TCF7L2: variants seen among roughly 807,000 people sequenced by gnomAD.
TCF7L2 encodes the protein transcription factor 7 like 2.
TCF7L2 carries 23 observed loss-of-function variants against 77.9 expected under a neutral mutation model. The observed-to-expected ratio is 0.30, with a 90% CI of 0.21 to 0.42. The LOEUF is 0.42. Ranked by LOEUF, TCF7L2 falls within the 10% of genes least tolerant of loss-of-function variation. The pLI is 1.00. For synonymous variants in TCF7L2, 413 were observed against 340.2 expected, an observed-to-expected ratio of 1.21 and a Z score of -2.36; for missense variants, 654 against 793.1, an observed-to-expected ratio of 0.82 and a Z score of 2.11.
rs369602107 is a variant in TCF7L2, at chr10:113,144,005, G to T, written c.768G>T (p.Pro256=). The stretch of plus-strand genomic sequence containing the variant: ...GCACCGTAGGACAAATCCCCCATCC[G>T]CTAGGATGGTTAGTACCACAGTAAG... The change falls in exon 7 of 14, where the codon CCG becomes CCT. Residue 256 remains proline, a synonymous_variant. Transcript: ENST00000627217. 31 of 1,613,114 alleles carry T rather than the reference G, an allele frequency of 1.9e-5. No homozygotes were observed. Among genetic ancestry groups the T allele is most frequent in the South Asian group, 7.7e-5 (7 of 91,056 alleles).
chr10:113,148,601 C>A (rs559900581), intron 8 of TCF7L2, among the ~76,000 whole-genome samples: 2 of 152,188 alleles, frequency 1.3e-5, no homozygotes, highest in African/African-American at 2.4e-5. Flanking sequence ...CAGCCAGAAA[C>A]AAAAATTAGT....
intron 4 of TCF7L2, among the ~76,000 whole-genome samples, chr10:113,018,959 T>C (rs901990684): frequency 1.3e-5 from 2 of 151,896 alleles, no homozygotes; most frequent in African/African-American, 4.8e-5. Flanking sequence ...CTTGTGGGTG[T>C]GATGGTGGAA....
At chr10:112,964,993 G>A (rs2036404440) in intron 4 of TCF7L2, among the ~76,000 whole-genome samples, 1 of 152,110 alleles carries the variant, frequency 6.6e-6, no homozygotes, top group Admixed American at 6.6e-5. Flanking sequence ...CTTTGCTTAG[G>A]GAGGGATCTT....
chr10:113,148,408 A>C (rs914100751), intron 8 of TCF7L2, among the ~76,000 whole-genome samples: 2 of 152,218 alleles, frequency 1.3e-5, no homozygotes, highest in African/African-American at 4.8e-5. Context: ...GAAATGTTAC[A>C]AGTGCAAGGG....
intron 4 of TCF7L2, among the ~76,000 whole-genome samples, chr10:113,003,695 T>G (rs2044936234): frequency 1.3e-5 from 2 of 152,196 alleles, no homozygotes; most frequent in African/African-American, 4.8e-5. Flanking sequence ...TGGATGGGAT[T>G]CTCATGAAAT....
chr10:113,147,972 A>T (rs1346381016), intron 8 of TCF7L2, among the ~76,000 whole-genome samples: 1 of 152,192 alleles, frequency 6.6e-6, no homozygotes, highest in African/African-American at 2.4e-5. Context: ...GTTAAAAAGC[A>T]TATACAGCAA....
At chr10:113,114,029 C>G (rs1039247679) in intron 5 of TCF7L2, among the ~76,000 whole-genome samples, 4 of 152,080 alleles carry the variant, frequency 2.6e-5, no homozygotes, top group Non-Finnish European at 5.9e-5. Flanking sequence ...AATAAGGCCC[C>G]CTCTAATCCT....
At chr10:113,049,206 C>G (rs2053973844) in intron 5 of TCF7L2, among the ~76,000 whole-genome samples, 2 of 152,028 alleles carry the variant, frequency 1.3e-5, no homozygotes, top group South Asian at 2.1e-4. Context: ...CCCCCTGACT[C>G]TCTTCTGAGT....
At chr10:113,062,386 G>A (rs1391405238) in intron 5 of TCF7L2, among the ~76,000 whole-genome samples, 3 of 152,116 alleles carry the variant, frequency 2.0e-5, no homozygotes, top group Admixed American at 6.5e-5. Context: ...ATCCATGTTC[G>A]CTACGAGGAA....
chr10:113,137,056 G>A (rs2067525280), intron 5 of TCF7L2, among the ~76,000 whole-genome samples: 1 of 151,808 alleles, frequency 6.6e-6, no homozygotes, highest in African/African-American at 2.4e-5. Context: ...CTCCTCTGTG[G>A]CAATCTCATT....
chr10:113,065,609 G>T (rs2057144582), intron 5 of TCF7L2, among the ~76,000 whole-genome samples: 1 of 152,166 alleles, frequency 6.6e-6, no homozygotes, highest in African/African-American at 2.4e-5. Flanking sequence ...CTTCTGAAGG[G>T]GTAGGGTCAT....
At position 113,167,517 on chromosome 10, in the gene TCF7L2, T is replaced by G. The variant is rs1162889794; in HGVS notation, c.*1545T>G. The G allele has an allele frequency of 4.6e-6, 1 of 217,752 alleles. No individual in the cohort carries two copies. Among genetic ancestry groups the G allele is most frequent in the African/African-American group, 2.2e-5 (1 of 44,490 alleles). 13.5% of individuals were successfully genotyped at this position (217,752 alleles called of 1,614,324 possible). A position where few individuals can be genotyped will look rare whatever the true frequency, so the allele number is the denominator to read the frequency against. The stretch of plus-strand genomic sequence containing the variant: ...CATTTTTTGTGAATACTTTGAATGT[T>G]TCCTAACAGTTGTGATGTTACTGTT... On this transcript the variant is annotated 3_prime_UTR_variant, in exon 14 of 14. Transcript: ENST00000627217.
chr10:113,079,336 T>TGCATC (rs2059072804), intron 5 of TCF7L2, among the ~76,000 whole-genome samples: 1 of 152,238 alleles, frequency 6.6e-6, no homozygotes. Context: ...TGCATCTGCG[T>TGCATC]TGATGTGGCC....
intron 5 of TCF7L2, among the ~76,000 whole-genome samples, chr10:113,137,297 A>G (rs1201532823): frequency 6.6e-6 from 1 of 152,194 alleles, no homozygotes; most frequent in Admixed American, 6.5e-5. Flanking sequence ...GGGATAGTGA[A>G]CTGTGTCATC....
intron 5 of TCF7L2, among the ~76,000 whole-genome samples, chr10:113,041,129 G>A (rs1350560235): frequency 6.6e-6 from 1 of 152,206 alleles, no homozygotes; most frequent in African/African-American, 2.4e-5. Flanking sequence ...GGAGCTTGCT[G>A]TAATTGAGCA....
intron 5 of TCF7L2, among the ~76,000 whole-genome samples, chr10:113,051,357 C>G (rs2054450037): frequency 6.6e-6 from 1 of 152,140 alleles, no homozygotes; most frequent in Non-Finnish European, 1.5e-5. Context: ...GTAGCCAGTT[C>G]TAATCCTGGG....
At chr10:112,996,383 A>T (rs1427405953) in intron 4 of TCF7L2, among the ~76,000 whole-genome samples, 1 of 152,190 alleles carries the variant, frequency 6.6e-6, no homozygotes, top group Non-Finnish European at 1.5e-5. Context: ...AAACCTAAAA[A>T]AGGGGCCATG....
intron 11 of TCF7L2, among the ~76,000 whole-genome samples, chr10:113,154,866 G>T (rs759787572): frequency 4.6e-5 from 7 of 152,122 alleles, no homozygotes; most frequent in Non-Finnish European, 8.8e-5. Flanking sequence ...TTACACATGG[G>T]TGTGAACACA....
At chr10:113,113,903 C>T (rs770639174) in intron 5 of TCF7L2, among the ~76,000 whole-genome samples, 3 of 152,118 alleles carry the variant, frequency 2.0e-5, no homozygotes, top group Non-Finnish European at 2.9e-5. Context: ...GTCACTTAGC[C>T]TTGAATTTCC....
Sources: gnomAD v4.1 joint callset for allele counts (sites outside exome capture counted in the v4.1 genomes callset) on GRCh38, gnomAD v4.1.1 for gene constraint, MANE v1.5 for transcripts, NCBI Gene and HGNC (gene_info 2026-07-23, HGNC 2026-07-21) for gene names.